RFC5: variants seen among roughly 807,000 people sequenced by gnomAD.
RFC5 encodes the protein A1 36 kDa subunit.
In RFC5, 26 loss-of-function variants were observed where a neutral mutation model predicts 44.3. The ratio of observed to expected loss-of-function variants is 0.59; its 90% confidence interval spans 0.43 to 0.81. The LOEUF (loss-of-function observed/expected upper bound fraction) is 0.81, where lower values mean the gene tolerates loss of function less well. RFC5 is among the 40% of genes least tolerant of loss of function. RFC5 has a pLI of 0.00. For missense variants in RFC5, 328 were observed against 418.6 expected, an observed-to-expected ratio of 0.78 and a Z score of 1.89; for synonymous variants, 155 against 155.2, an observed-to-expected ratio of 1.00 and a Z score of 0.01.
intron 7 of RFC5, among the ~76,000 whole-genome samples, chr12:118,026,585 C>G (rs2030958409): frequency 6.6e-6 from 1 of 152,164 alleles, no homozygotes; most frequent in South Asian, 2.1e-4. Flanking sequence ...AGCAACAGAG[C>G]AAGACCCTGT....
the RFC5 span, among the ~76,000 whole-genome samples, chr12:118,040,240 T>C: frequency 1.3e-5 from 2 of 152,162 alleles, no homozygotes; most frequent in East Asian, 3.9e-4. Context: ...ACTGAATAAA[T>C]TAAGGCATGT....
In RFC5 at chr12:118,029,779, C is replaced by T; in HGVS notation, c.880C>T (p.Pro294Ser). ...TTTTGTTTTTCCCTCAGTTGACTTT[C>T]CATCTTCAGTTCGAATACATTTATT... ...IHLFVHRVDF[P>S]SSVRIHLLTK... Residue 294 changes from proline (P) to serine (S), a missense_variant, in exon 10 of 11, where the codon CCA becomes TCA. Transcript: ENST00000454402. 1.2e-6 allele frequency: 2 copies of T among 1,608,740 alleles called. No individual in the cohort carries two copies. The highest frequency in any genetic ancestry group is 8.5e-7 in the Non-Finnish European group (1 of 1,175,092).
intron 4 of RFC5, among the ~76,000 whole-genome samples, 176 bp from the exon 5 acceptor site, chr12:118,022,110 G>A (rs946460659): frequency 1.3e-5 from 2 of 152,192 alleles, no homozygotes; most frequent in Non-Finnish European, 2.9e-5. Flanking sequence ...AAGGGTTGAA[G>A]GAGTGATGCG....
At chr12:118,024,345 AAG>A (rs1285207415) in intron 5 of RFC5, among the ~76,000 whole-genome samples, 4 of 151,246 alleles carry the variant, frequency 2.6e-5, no homozygotes, top group African/African-American at 2.4e-5. Context: ...TGTTTCAAAA[AAG>A]AAAAAAGAGG....
chr12:118,039,433 T>A, the RFC5 span, among the ~76,000 whole-genome samples: 1 of 152,146 alleles, frequency 6.6e-6, no homozygotes, highest in Non-Finnish European at 1.5e-5. Flanking sequence ...CAGGGAAAAA[T>A]CGTGAAGATG....
At chr12:118,017,928 A>G (rs975693219) in intron 1 of RFC5, 2 of 677,302 alleles carry the variant, frequency 3.0e-6, no homozygotes, top group African/African-American at 3.5e-5. Context: ...TAGTTCCAAA[A>G]TTTCATCACC....
At chr12:118,025,423 G>T in intron 6 of RFC5, 1 of 340,166 alleles carries the variant, frequency 2.9e-6, no homozygotes, top group Non-Finnish European at 5.4e-6. Context: ...TGTGAAGGAG[G>T]AGTTTCGGCT....
chr12:118,023,544 C>A (rs1486290214), intron 5 of RFC5, among the ~76,000 whole-genome samples: 1 of 151,564 alleles, frequency 6.6e-6, no homozygotes, highest in Non-Finnish European at 1.5e-5. Context: ...AGAATATCTT[C>A]TGGTCCTAGA....
intron 1 of RFC5, chr12:118,018,138 G>A: frequency 1.6e-6 from 1 of 627,022 alleles, no homozygotes; most frequent in Admixed American, 2.3e-5. Context: ...GCATGTTGCT[G>A]CTTGTATCAG....
In RFC5 at chr12:118,016,927, G is replaced by A. The variant is rs201065707; in HGVS notation, c.65+35G>A. On this transcript the variant is annotated intron_variant, in intron 1 of 10. Coordinates refer to ENST00000454402, the MANE Select transcript of RFC5 (RefSeq NM_007370.7). The stretch of plus-strand genomic sequence containing the variant: ...GGCCGAGCGGCGGCGGTGGGCAGAG[G>A]GGGCCAGGCGGCCGCGCGGGGAGGA... 8.2e-6 allele frequency: 13 copies of A among 1,580,840 alleles called. No homozygotes were observed. The Admixed American group carries it at 2.0e-4, about 25-fold the overall frequency.
Position 118,019,017 on chromosome 12 carries a change from C to G in RFC5, c.66-55C>G. On this transcript the variant is annotated intron_variant, in intron 1 of 10. Transcript: ENST00000454402. This position sits in a 1 kb window ranked among gnomAD's most constrained non-coding sequence, Gnocchi z 4.2. ...CCTGACCTGCAAGGATTCTTTTGCA[C>G]ATAAAATATTCTTGCATTTATATAT... The G allele has an allele frequency of 1.5e-6, 2 of 1,325,070 alleles. No homozygotes were observed. The highest frequency in any genetic ancestry group is 1.2e-5 in the South Asian group (1 of 85,112). 82.1% of individuals were successfully genotyped at this position (1,325,070 alleles called of 1,614,324 possible). A position where few individuals can be genotyped will look rare whatever the true frequency, so the allele number is the denominator to read the frequency against.
intron 3 of RFC5, among the ~76,000 whole-genome samples, chr12:118,020,341 G>A (rs979489072): frequency 4.6e-5 from 7 of 152,136 alleles, no homozygotes; most frequent in African/African-American, 1.2e-4. Flanking sequence ...CAGGCTCAAG[G>A]GTGACAGGTA....
chr12:118,022,140 C>T, intron 4 of RFC5, 146 bp from the exon 5 acceptor site: 1 of 651,262 alleles, frequency 1.5e-6, no homozygotes, highest in Middle Eastern at 2.5e-4. Flanking sequence ...CTCTGAGTGA[C>T]CAAAGATGTC....
chr12:118,019,613 C>A lies in RFC5; in HGVS notation c.131-19C>A, dbSNP rs766798794. ...GCTCCCAAAGACTGATGGTGCCCTT[C>A]TTCCTTCCTGATCCTCAGTTCAGAA... is the stretch of plus-strand genomic sequence containing the variant. On this transcript the variant is annotated intron_variant, in intron 2 of 10. Transcript: ENST00000454402. This position sits in a 1 kb window ranked among gnomAD's most constrained non-coding sequence, Gnocchi z 4.2. 3.1e-6 allele frequency: 5 copies of A among 1,613,778 alleles called. No homozygotes were observed. Among genetic ancestry groups the A allele is most frequent in the Non-Finnish European group, 1.7e-6 (2 of 1,179,848 alleles).
intron 1 of RFC5, chr12:118,018,073 A>G (rs1593434672): frequency 7.2e-6 from 5 of 696,500 alleles, no homozygotes; most frequent in African/African-American, 3.5e-5. Flanking sequence ...ATCCTACACT[A>G]TGTGGCCTTT....
chr12:118,025,891 C>T lies in RFC5; in HGVS notation c.663+63C>T, dbSNP rs979601913. ...TGAGACAGAGTCTTGCTCTGTCGCT[C>T]AGGCTGGAGTGCAGCAACACAATCT... On this transcript the variant is annotated intron_variant, in intron 7 of 10. Coordinates refer to ENST00000454402, the MANE Select transcript of RFC5 (RefSeq NM_007370.7). 3.3e-4 allele frequency: 334 copies of T among 1,010,086 alleles called. 2 individuals carry two copies. The East Asian group carries it at 7.9e-3, about 24-fold the overall frequency. The allele number at this position is 1,010,086 out of a possible 1,614,324, so 62.6% of individuals were successfully genotyped here.
downstream of RFC5, chr12:118,032,962 A>G (rs1296291882): frequency 6.6e-6 from 1 of 152,110 alleles, no homozygotes; most frequent in African/African-American, 2.4e-5. Flanking sequence ...TTTTGAAAAG[A>G]CATGTTTTTC....
intron 5 of RFC5, among the ~76,000 whole-genome samples, chr12:118,024,135 A>T (rs865925051): frequency 4.0e-5 from 6 of 151,896 alleles, no homozygotes; most frequent in Admixed American, 1.3e-4. Flanking sequence ...AGGTCAGGAG[A>T]TCGAGACCAT....
chr12:118,040,927 T>C, the RFC5 span, among the ~76,000 whole-genome samples: 4 of 152,244 alleles, frequency 2.6e-5, no homozygotes, highest in Non-Finnish European at 5.9e-5. Flanking sequence ...CTTACGCCTG[T>C]AGTCCCAGCT....
Sources: allele counts gnomAD v4.1 joint callset (sites outside exome capture counted in the v4.1 genomes callset), GRCh38; gene constraint gnomAD v4.1.1; non-coding constraint Gnocchi (gnomAD v3.1); transcripts MANE v1.5; gene names NCBI Gene and HGNC (gene_info 2026-07-23, HGNC 2026-07-21).